The following NCAPD2 variants were observed in gnomAD, a reference collection of about 807,000 sequenced individuals.
NCAPD2 encodes non-SMC condensin I complex subunit D2.
A neutral mutation model predicts 164.5 loss-of-function variants in NCAPD2; 100 were observed. The ratio of observed to expected loss-of-function variants is 0.61; its 90% confidence interval spans 0.52 to 0.72. NCAPD2 has a LOEUF of 0.72. Among genes scored for constraint, NCAPD2 ranks in the 30% least tolerant of loss-of-function variants. The pLI is 0.00. For synonymous variants in NCAPD2, 585 were observed against 642.6 expected, an observed-to-expected ratio of 0.91 and a Z score of 1.36; for missense variants, 1,560 against 1,749.2, an observed-to-expected ratio of 0.89 and a Z score of 1.93.
intron 22 of NCAPD2, 58 bp downstream of exon 22, chr12:6,527,121 G>GC: frequency 6.7e-7 from 1 of 1,495,442 alleles, no homozygotes; most frequent in South Asian, 1.4e-5. Context: ...TCAGAACTGA[G>GC]CTGATCCCCT....
At chr12:6,512,145 G>A (rs1294972199) in intron 6 of NCAPD2, among the ~76,000 whole-genome samples, 2 of 151,746 alleles carry the variant, frequency 1.3e-5, no homozygotes, top group Admixed American at 6.6e-5. Context: ...GGTGGCGGGC[G>A]CCTCTAGTCC....
At chr12:6,526,868 C>A in intron 21 of NCAPD2, 23 bp from the exon 22 acceptor site, 1 of 1,584,296 alleles carries the variant, frequency 6.3e-7, no homozygotes, top group South Asian at 1.1e-5. Flanking sequence ...CTTTGCCCCA[C>A]CTTCCCTCTC....
chr12:6,505,119 G>A (rs1035424698), intron 2 of NCAPD2, among the ~76,000 whole-genome samples: 1 of 152,196 alleles, frequency 6.6e-6, no homozygotes, highest in Non-Finnish European at 1.5e-5. Context: ...AGGCTGGAGT[G>A]CAGTGGCATG....
intron 27 of NCAPD2, 182 bp from the exon 28 acceptor site, chr12:6,529,331 C>T (rs974152316): frequency 1.6e-5 from 10 of 641,350 alleles, no homozygotes; most frequent in Admixed American, 2.8e-5. Flanking sequence ...ATTCCTGAGC[C>T]GGGGGCGGGG....
At chr12:6,518,504 G>GTTTTTTGTTTTTTTTTTTTTTT (rs1946226490) in intron 13 of NCAPD2, among the ~76,000 whole-genome samples, 1 of 44,774 alleles carries the variant, frequency 2.2e-5, no homozygotes, top group African/African-American at 1.0e-4. Context: ...CCGTCAACAA[G>GTTTTTTGTTTTTTTTTTTTTTT]TTTTTTTTTT....
chr12:6,531,102 C>G lies in NCAPD2; in HGVS notation c.4120+26C>G. The G allele has an allele frequency of 6.2e-7, 1 of 1,611,804 alleles. No individual in the cohort carries two copies. The highest frequency in any genetic ancestry group is 1.1e-5 in the South Asian group (1 of 90,946). On this transcript the variant is annotated intron_variant, in intron 31 of 31. Transcript: ENST00000315579. The surrounding 1 kb of genome is among the most constrained non-coding windows in gnomAD (Gnocchi z 4.1). The stretch of plus-strand genomic sequence containing the variant: ...GTATGATGCTCCCGCCTGTTCCCGG[C>G]CGAGAAGGCACACAGCTAGGGTGCA...
intron 6 of NCAPD2, among the ~76,000 whole-genome samples, chr12:6,513,709 CTT>C (rs978964811): frequency 5.1e-5 from 3 of 58,506 alleles, no homozygotes; most frequent in African/African-American, 2.6e-4. Flanking sequence ...TCATTGGTGA[CTT>C]TGTCTTTTTT....
chr12:6,501,327 G>A (rs917663127), intron 2 of NCAPD2, among the ~76,000 whole-genome samples: 8 of 134,146 alleles, frequency 6.0e-5, no homozygotes, highest in African/African-American at 8.4e-5. Flanking sequence ...TGCAAGCTCC[G>A]CCTCCCAGGG....
chr12:6,503,098 C>T (rs1277747759), intron 2 of NCAPD2, among the ~76,000 whole-genome samples: 1 of 149,686 alleles, frequency 6.7e-6, no homozygotes, highest in Admixed American at 6.8e-5. Context: ...CCTGATGATC[C>T]ACCTGCCTCA....
chr12:6,529,001 G>A lies in NCAPD2; in HGVS notation c.3534G>A (p.Glu1178=), dbSNP rs1165480506. The A allele has an allele frequency of 2.0e-5, 33 of 1,613,394 alleles. No individual in the cohort carries two copies. The East Asian group carries it at 7.4e-4, about 36-fold the overall frequency. The change falls in exon 27 of 32, where the codon GAG becomes GAA. Residue 1178 remains glutamate (E), a synonymous_variant. Transcript: ENST00000315579. The part of the protein sequence containing the change: ...PDIISRLSDP[E]LGVEEEPFHT... ...TCATCAGCCGCCTGTCAGACCCCGAGCTGGGGGTGGAGGAAGAGCCTTTCC... is the reference window on the plus strand; with the variant it reads ...TCATCAGCCGCCTGTCAGACCCCGAACTGGGGGTGGAGGAAGAGCCTTTCC...
chr12:6,496,851 G>A (rs1445705681), intron 2 of NCAPD2, among the ~76,000 whole-genome samples: 1 of 152,198 alleles, frequency 6.6e-6, no homozygotes, highest in South Asian at 2.1e-4. Flanking sequence ...TGCTCGGCCA[G>A]ACTTTTTTGT....
chr12:6,511,689 C>T (rs552973953), intron 6 of NCAPD2, among the ~76,000 whole-genome samples: 1 of 152,228 alleles, frequency 6.6e-6, no homozygotes, highest in South Asian at 2.1e-4. Flanking sequence ...GATTTTAAAT[C>T]AGCTACTCTA....
intron 2 of NCAPD2, among the ~76,000 whole-genome samples, chr12:6,503,736 A>G (rs1362440752): frequency 6.7e-6 from 1 of 150,110 alleles, no homozygotes; most frequent in Non-Finnish European, 1.5e-5. Context: ...GTGCCACTGC[A>G]CTTCAGCCTG....
At position 6,517,795 on chromosome 12, in the gene NCAPD2, AGAG is replaced by A. The variant is rs1946218439; in HGVS notation, c.1432_1434del (p.Glu478del). The A allele has an allele frequency of 6.2e-7, 1 of 1,614,068 alleles. No homozygotes were observed. Among genetic ancestry groups the A allele is most frequent in the Non-Finnish European group, 8.5e-7 (1 of 1,180,036 alleles). On this transcript the variant is annotated inframe_deletion, in exon 13 of 32. Coordinates refer to ENST00000315579, the MANE Select transcript of NCAPD2 (RefSeq NM_014865.4). Reference sequence around the variant, plus strand: ...CTCATTTAGCTGCAGTGCTGGACCCAGAGGAGGAGTGGGAAGCCATGCTGCCAG... The same window carrying A: ...CTCATTTAGCTGCAGTGCTGGACCCAGAGGAGTGGGAAGCCATGCTGCCAG...
In NCAPD2 at chr12:6,508,805, A is replaced by G. The variant is rs186863268; in HGVS notation, c.128-912A>G. On this transcript the variant is annotated intron_variant, in intron 2 of 31. Transcript: ENST00000315579. ...AGTGATCAAAGTTAACATCAGCAGT[A>G]ATAAGACATTCACTTCATGCACCTC... 2.1e-3 allele frequency among the ~76,000 whole-genome samples: 320 copies of G among 152,362 alleles called. 1 individual carries two copies. The highest frequency in any genetic ancestry group is 3.2e-3 in the Non-Finnish European group (220 of 68,038).
intron 29 of NCAPD2, 117 bp from the exon 30 acceptor site, chr12:6,530,574 C>T: frequency 1.5e-6 from 2 of 1,313,838 alleles, no homozygotes; most frequent in Admixed American, 2.3e-5. Flanking sequence ...GGAGCCTTCT[C>T]ACCTTGGCTT....
In NCAPD2 at chr12:6,526,313, C is replaced by T. The variant is rs200431803; in HGVS notation, c.2508C>T (p.Pro836=). 3.7e-6 allele frequency: 6 copies of T among 1,614,224 alleles called. No homozygotes were observed. Among genetic ancestry groups the T allele is most frequent in the East Asian group, 2.2e-5 (1 of 44,892 alleles). Residue 836 remains proline (P), a synonymous_variant, in exon 20 of 32, where the codon CCC becomes CCT. Transcript: ENST00000315579. The part of the protein sequence containing the change: ...RKPSLGKRHP[P]FRLPQEHRLF... ...CTTCTCTGGGCAAACGTCACCCCCCCTTCCGGCTGCCTCAGGAACACAGGT... is the reference window on the plus strand; with the variant it reads ...CTTCTCTGGGCAAACGTCACCCCCCTTTCCGGCTGCCTCAGGAACACAGGT...
At chr12:6,517,710 A>T (rs750477797) in intron 12 of NCAPD2, 27 bp downstream of exon 12, 1 of 1,614,056 alleles carries the variant, frequency 6.2e-7, no homozygotes, top group Non-Finnish European at 8.5e-7. Context: ...TTGGAGTCCT[A>T]ATGCCAGACA....
Position 6,526,302 on chromosome 12 carries a change from C to T in NCAPD2, c.2497C>T (p.Arg833Cys), listed in dbSNP as rs1258140496. ...SDRRKPSLGK[R>C]HPPFRLPQEH... The stretch of plus-strand genomic sequence containing the variant: ...CTCTCCACAGCCTTCTCTGGGCAAA[C>T]GTCACCCCCCCTTCCGGCTGCCTCA... Residue 833 changes from arginine (R) to cysteine (C), a missense_variant, in exon 20 of 32, where the codon CGT (arginine) becomes TGT (cysteine). By Grantham distance (180) the Arg-to-Cys change is radical. Transcript: ENST00000315579. The T allele has an allele frequency of 1.4e-5, 23 of 1,614,084 alleles. No individual in the cohort carries two copies. Among genetic ancestry groups the T allele is most frequent in the Middle Eastern group, 1.6e-4 (1 of 6,084 alleles).
Sources: gnomAD v4.1 joint callset for allele counts (sites outside exome capture counted in the v4.1 genomes callset) on GRCh38, gnomAD v4.1.1 for gene constraint, Gnocchi (gnomAD v3.1) non-coding constraint, MANE v1.5 for transcripts, NCBI Gene and HGNC (gene_info 2026-07-23, HGNC 2026-07-21) for gene names.